Variants in CCT6B observed in about 807,000 individuals in gnomAD.
The protein encoded by CCT6B is probable T-complex protein 1 subunit zeta-2.
In CCT6B, 49 loss-of-function variants were observed where a neutral mutation model predicts 61.5. The observed-to-expected ratio is 0.80, with a 90% confidence interval of 0.63 to 1.01. CCT6B has a LOEUF of 1.01. Ranked by LOEUF, CCT6B falls within the 50% of genes least tolerant of loss-of-function variation. The pLI is 0.00. For missense variants in CCT6B, 666 were observed against 634.7 expected (o/e 1.05, Z -0.53); for synonymous variants, 228 against 214.5 (o/e 1.06, Z -0.55).
chr17:34,954,660 A>G, intron 3 of CCT6B, 61 bp from the exon 4 acceptor site: 1 of 1,343,470 alleles, frequency 7.4e-7, no homozygotes, highest in Non-Finnish European at 1.0e-6. Context: ...AAAGTAACCA[A>G]CCTGTCTGAT....
chr17:34,947,296 CA>C (rs1185439395), intron 5 of CCT6B, among the ~76,000 whole-genome samples: 1 of 152,052 alleles, frequency 6.6e-6, no homozygotes, highest in Non-Finnish European at 1.5e-5. Context: ...CGATAGCACT[CA>C]AAAAGCCAGA....
rs2142129278 is a variant in CCT6B at position 34,928,973 on chromosome 17, A to C, written c.1512T>G (p.Leu504=). ...TCATATGAACTTACCAAGAGTGAAG[A>C]AGTTGTTTTTTTACACAATAATTAT... ...VWDNYCVKKQ[L]LHSCTVIATN... is the part of the protein sequence containing the mutation. Residue 504 remains leucine, a synonymous_variant, in exon 13 of 14, where the codon CTT becomes CTG. Coordinates refer to ENST00000314144, the MANE Select transcript of CCT6B (RefSeq NM_006584.4). The C allele has an allele frequency of 1.3e-6, 2 of 1,587,312 alleles. No homozygotes were observed. Among genetic ancestry groups the C allele is most frequent in the East Asian group, 4.5e-5 (2 of 44,660 alleles).
In CCT6B at chr17:34,939,506, G is replaced by A. The variant is rs1473229351; in HGVS notation, c.1065+111C>T. On this transcript the variant is annotated intron_variant, in intron 9 of 13. Coordinates refer to ENST00000314144, the MANE Select transcript of CCT6B (RefSeq NM_006584.4). ...GTAAATAAACTGTAAAATCTGTTCTGTGAATTAGATCTCAAAACACAAAAC... is the reference window on the plus strand; with the variant it reads ...GTAAATAAACTGTAAAATCTGTTCTATGAATTAGATCTCAAAACACAAAAC... 3.5e-6 allele frequency: 3 copies of A among 861,364 alleles called. No homozygotes were observed. The African/African-American group carries it at 5.1e-5, about 15-fold the overall frequency. 53.4% of individuals were successfully genotyped at this position (861,364 alleles called of 1,614,324 possible).
chr17:34,943,838 C>G (rs981010651), intron 5 of CCT6B: 8 of 148,780 alleles, frequency 5.4e-5, no homozygotes, highest in African/African-American at 2.0e-4. Flanking sequence ...ATGGGAGGGA[C>G]CTAAGAGTAG....
At chr17:34,959,548 G>GCTT in intron 2 of CCT6B, 39 bp downstream of exon 2, 1 of 1,441,360 alleles carries the variant, frequency 6.9e-7, no homozygotes, top group Non-Finnish European at 9.8e-7. Flanking sequence ...TCTAATTAAG[G>GCTT]CTTATTAAGG....
chr17:34,934,520 C>CA (rs1365929963), intron 10 of CCT6B, among the ~76,000 whole-genome samples: 6 of 152,128 alleles, frequency 3.9e-5, no homozygotes, highest in African/African-American at 1.4e-4. Context: ...GGCAGCAAAT[C>CA]AGATTTAGCT....
intron 5 of CCT6B, among the ~76,000 whole-genome samples, chr17:34,951,130 T>C (rs907537417): frequency 3.3e-5 from 5 of 152,092 alleles, no homozygotes; most frequent in African/African-American, 4.8e-5. Flanking sequence ...ATACAGACTG[T>C]GCGTAGATCT....
intron 5 of CCT6B, among the ~76,000 whole-genome samples, chr17:34,946,873 A>C (rs1353167366): frequency 6.6e-6 from 1 of 152,186 alleles, no homozygotes; most frequent in African/African-American, 2.4e-5. Context: ...AATTCAGACT[A>C]CTCTAGAAGA....
chr17:34,954,002 T>G (rs2090321184), intron 4 of CCT6B, among the ~76,000 whole-genome samples: 1 of 152,156 alleles, frequency 6.6e-6, no homozygotes, highest in African/African-American at 2.4e-5. Flanking sequence ...ATTTCCAATA[T>G]GTGAATATTA....
intron 5 of CCT6B, chr17:34,943,113 C>A: frequency 2.3e-6 from 1 of 441,222 alleles, no homozygotes. Flanking sequence ...AACTCCTGGG[C>A]TCAAGCAATC....
intron 10 of CCT6B, among the ~76,000 whole-genome samples, chr17:34,933,792 C>G (rs545545252): frequency 6.6e-6 from 1 of 151,938 alleles, no homozygotes; most frequent in Admixed American, 6.6e-5. Context: ...ATATTAGGAA[C>G]GAAGAAAGTT....
intron 5 of CCT6B, chr17:34,944,148 C>T (rs558349596): frequency 1.1e-4 from 17 of 152,226 alleles, no homozygotes; most frequent in African/African-American, 3.6e-4. Context: ...GTTCAACATT[C>T]CTCACTCTTC....
At chr17:34,960,025 T>G (rs897451818) in intron 1 of CCT6B, among the ~76,000 whole-genome samples, 1 of 152,212 alleles carries the variant, frequency 6.6e-6, no homozygotes, top group African/African-American at 2.4e-5. Context: ...ATCCCTGCAT[T>G]TATTAGATCA....
intron 5 of CCT6B, among the ~76,000 whole-genome samples, chr17:34,945,762 T>C (rs1454446743): frequency 6.6e-6 from 1 of 152,078 alleles, no homozygotes; most frequent in East Asian, 1.9e-4. Flanking sequence ...AGTCCTACTA[T>C]CAAAAACAAC....
intron 10 of CCT6B, among the ~76,000 whole-genome samples, chr17:34,936,372 A>G (rs915112967): frequency 1.3e-5 from 2 of 152,166 alleles, no homozygotes; most frequent in Non-Finnish European, 2.9e-5. Flanking sequence ...CTTTCCCCCT[A>G]AGATCAGCGA....
intron 5 of CCT6B, among the ~76,000 whole-genome samples, chr17:34,947,033 T>C (rs2090231880): frequency 6.6e-6 from 1 of 152,190 alleles, no homozygotes; most frequent in African/African-American, 2.4e-5. Flanking sequence ...TACACTTCAT[T>C]AGAAAGTTTA....
intron 12 of CCT6B, among the ~76,000 whole-genome samples, chr17:34,930,261 G>A (rs887317492): frequency 2.6e-5 from 4 of 152,146 alleles, no homozygotes; most frequent in Non-Finnish European, 4.4e-5. Context: ...GTGATAGAAC[G>A]AGACTGTCTC....
chr17:34,930,871 C>G (rs1339834942), intron 12 of CCT6B, 78 bp downstream of exon 12: 1 of 648,624 alleles, frequency 1.5e-6, no homozygotes, highest in Non-Finnish European at 2.7e-6. Flanking sequence ...ACCCAAACCT[C>G]TACTCCTTTA....
intron 3 of CCT6B, among the ~76,000 whole-genome samples, chr17:34,958,198 C>T (rs1327356491): frequency 6.6e-6 from 1 of 152,154 alleles, no homozygotes; most frequent in Non-Finnish European, 1.5e-5. Flanking sequence ...AATCCCAGCA[C>T]TCTGGGAGGC....
Sources: allele counts gnomAD v4.1 joint callset (sites outside exome capture counted in the v4.1 genomes callset), GRCh38; gene constraint gnomAD v4.1.1; transcripts MANE v1.5; gene names NCBI Gene and HGNC (gene_info 2026-07-23, HGNC 2026-07-21).